BRWD1: variants seen among roughly 807,000 people sequenced by gnomAD.
BRWD1 encodes bromodomain and WD repeat-containing protein 1.
Under a neutral mutation model 251.2 loss-of-function variants are expected in BRWD1, and 82 were observed. That is an observed-to-expected ratio of 0.33 (90% CI 0.27 to 0.39). The LOEUF is 0.39. BRWD1 is among the 10% of genes least tolerant of loss of function. The pLI is 1.00. For missense variants in BRWD1, 2,233 were observed against 2,711.6 expected (o/e 0.82, Z 3.92); for synonymous variants, 918 against 902.8 (o/e 1.02, Z -0.30).
rs2031610779 is a variant in BRWD1 at position 39,192,630 on chromosome 21, T to C, written c.*3629A>G. ...CTGCAAGATACCTGATAAATAAATATATCAACTTACTATTCATGAAAAGAA... is the reference window on the plus strand; with the variant it reads ...CTGCAAGATACCTGATAAATAAATACATCAACTTACTATTCATGAAAAGAA... On this transcript the variant is annotated 3_prime_UTR_variant, in exon 41 of 41. Coordinates refer to ENST00000342449, the MANE Select transcript of BRWD1 (RefSeq NM_033656.4). 5 of 984,486 alleles carry C rather than the reference T, an allele frequency of 5.1e-6. No individual in the cohort carries two copies. Among genetic ancestry groups the C allele is most frequent in the Non-Finnish European group, 6.0e-6 (5 of 829,146 alleles). The allele number at this position is 984,486 out of a possible 1,614,324, so 61.0% of individuals were successfully genotyped here.
intron 15 of BRWD1, among the ~76,000 whole-genome samples, chr21:39,266,155 T>C (rs1423870670): frequency 6.6e-6 from 1 of 152,086 alleles, no homozygotes; most frequent in Non-Finnish European, 1.5e-5. Context: ...GCTTGAATAG[T>C]GATACTTCAC....
chr21:39,272,169 T>G (rs957962484), intron 13 of BRWD1, among the ~76,000 whole-genome samples: 1 of 151,460 alleles, frequency 6.6e-6, no homozygotes, highest in Non-Finnish European at 1.5e-5. Flanking sequence ...GCGCGGTGGC[T>G]CACGCCTGTA....
At position 39,236,764 on chromosome 21, in the gene BRWD1, G is replaced by A; in HGVS notation, c.2597C>T (p.Ser866Phe). ...GATGCCCGCATCAGCTGTCCAATCGGAATATCTAGATGAAGAGTCACTAGA... is the reference window on the plus strand; with the variant it reads ...GATGCCCGCATCAGCTGTCCAATCGAAATATCTAGATGAAGAGTCACTAGA... ...ESSSDSSSRY[S>F]DWTADAGINL... The change falls in exon 23 of 41, where the codon TCC becomes TTC. Residue 866 changes from serine (S) to phenylalanine (F), a missense_variant. Physicochemically the swap from Ser to Phe is radical, Grantham distance 155. This residue lies in a region of BRWD1 where 214 missense variants were observed against 222.0 expected (regional missense o/e 0.96). Coordinates refer to ENST00000342449, the MANE Select transcript of BRWD1 (RefSeq NM_033656.4). The A allele has an allele frequency of 6.2e-7, 1 of 1,613,690 alleles. No individual in the cohort carries two copies. The highest frequency in any genetic ancestry group is 1.1e-5 in the South Asian group (1 of 90,914).
At chr21:39,228,438 G>C (rs1031806905) in intron 27 of BRWD1, 62 bp downstream of exon 27, 2 of 1,152,036 alleles carry the variant, frequency 1.7e-6, no homozygotes, top group African/African-American at 3.1e-5. Flanking sequence ...CAGCCAAAAA[G>C]GTAGACCAAT....
chr21:39,189,844 C>T lies in BRWD1; in HGVS notation c.*6415G>A. On this transcript the variant is annotated 3_prime_UTR_variant, in exon 41 of 41. Coordinates refer to ENST00000342449, the MANE Select transcript of BRWD1 (RefSeq NM_033656.4). ...GTGTTAGGGTACAAGCTTAAGAACT[C>T]TGGATGTTGCTGCTCTAACAATGCA... 1 of 985,348 alleles carries T rather than the reference C, an allele frequency of 1.0e-6. No individual in the cohort carries two copies. The highest frequency in any genetic ancestry group is 1.2e-6 in the Non-Finnish European group (1 of 829,888). The allele number at this position is 985,348 out of a possible 1,614,324, so 61.0% of individuals were successfully genotyped here. A position where few individuals can be genotyped will look rare whatever the true frequency, so the allele number is the denominator to read the frequency against.
rs2031369783 is a variant in BRWD1 at position 39,188,468 on chromosome 21, C to G, written c.*7791G>C. 1.0e-6 allele frequency: 1 copy of G among 985,380 alleles called. No homozygotes were observed. Among genetic ancestry groups the G allele is most frequent in the Non-Finnish European group, 1.2e-6 (1 of 829,874 alleles). 61.0% of individuals were successfully genotyped at this position (985,380 alleles called of 1,614,324 possible). A position where few individuals can be genotyped will look rare whatever the true frequency, so the allele number is the denominator to read the frequency against. On this transcript the variant is annotated 3_prime_UTR_variant, in exon 41 of 41. Coordinates refer to ENST00000342449, the MANE Select transcript of BRWD1 (RefSeq NM_033656.4). ...ACTAGAAAATGAGAGCTCTTTTAGT[C>G]AGATACTATCAAGTAACACTATTAT...
At chr21:39,248,209 A>G (rs2034264139) in intron 20 of BRWD1, among the ~76,000 whole-genome samples, 1 of 152,216 alleles carries the variant, frequency 6.6e-6, no homozygotes, top group African/African-American at 2.4e-5. Context: ...ATTTCTCACT[A>G]TCTCTATACA....
chr21:39,254,459 T>C (rs1282758880), intron 19 of BRWD1, among the ~76,000 whole-genome samples: 1 of 152,160 alleles, frequency 6.6e-6, no homozygotes, highest in African/African-American at 2.4e-5. Flanking sequence ...AAAGAGATGA[T>C]TTAAACATCA....
intron 4 of BRWD1, among the ~76,000 whole-genome samples, chr21:39,308,349 G>A (rs1227769619): frequency 6.6e-6 from 1 of 152,016 alleles, no homozygotes; most frequent in Non-Finnish European, 1.5e-5. Context: ...AGGCATAGTG[G>A]TACATGTCTG....
rs962487793 is a variant in BRWD1, at chr21:39,230,913, A to C, written c.3000+1264T>G. Among the ~76,000 whole-genome samples the C allele has an allele frequency of 3.3e-5, 5 of 152,196 alleles. No individual in the cohort carries two copies. The East Asian group carries it at 9.6e-4, about 29-fold the overall frequency. On this transcript the variant is annotated intron_variant, in intron 25 of 40. Transcript: ENST00000342449. ...CCCTGAGCATGTCCAGAAATGACCA[A>C]AAGGCTCTGAGAGTACTGTTTGGGG...
At position 39,264,976 on chromosome 21, in the gene BRWD1, G is replaced by A; in HGVS notation, c.1574C>T (p.Ser525Leu). 1 of 1,613,940 alleles carries A rather than the reference G, an allele frequency of 6.2e-7. No individual in the cohort carries two copies. Among genetic ancestry groups the A allele is most frequent in the Non-Finnish European group, 8.5e-7 (1 of 1,179,910 alleles). The change falls in exon 16 of 41, where the codon TCA becomes TTA. Residue 525 changes from serine to leucine, a missense_variant. Physicochemically the swap from Ser to Leu is moderately radical, Grantham distance 145 (BLOSUM62 -2). Transcript: ENST00000342449. ...GHGAVFDCKF[S>L]QDGQHFACTD... Reference sequence around the variant, plus strand: ...ACAGGCAAAATGCTGTCCATCCTGTGAAAACTTACAGTCAAACACAGCTCC... The same window carrying A: ...ACAGGCAAAATGCTGTCCATCCTGTAAAAACTTACAGTCAAACACAGCTCC...
chr21:39,207,942 T>G (rs1488550522), intron 36 of BRWD1, among the ~76,000 whole-genome samples: 1 of 152,164 alleles, frequency 6.6e-6, no homozygotes, highest in Non-Finnish European at 1.5e-5. Flanking sequence ...TATATGAAAT[T>G]ATCTAGGACA....
chr21:39,291,412 C>G (rs1372040135), intron 8 of BRWD1, among the ~76,000 whole-genome samples: 1 of 152,114 alleles, frequency 6.6e-6, no homozygotes. Context: ...TCAGTCTAAC[C>G]AAACGTTAAG....
At chr21:39,237,948 A>G (rs2146570662) in intron 22 of BRWD1, among the ~76,000 whole-genome samples, 1 of 152,326 alleles carries the variant, frequency 6.6e-6, no homozygotes, top group Admixed American at 6.5e-5. Flanking sequence ...TGAACCAAAC[A>G]GTACCAATTA....
At chr21:39,310,580 C>A (rs1396948584) in intron 4 of BRWD1, among the ~76,000 whole-genome samples, 4 of 151,338 alleles carry the variant, frequency 2.6e-5, no homozygotes, top group African/African-American at 9.7e-5. Context: ...TGAGCCGAGG[C>A]TGCTCCTCAA....
chr21:39,303,867 C>T (rs1338157842), intron 4 of BRWD1, among the ~76,000 whole-genome samples: 1 of 151,162 alleles, frequency 6.6e-6, no homozygotes, highest in Non-Finnish European at 1.5e-5. Context: ...AGTTGCCAGG[C>T]GCAGTGGCTC....
In BRWD1 at chr21:39,185,977, C is replaced by G. The variant is rs1402947535; in HGVS notation, c.*10282G>C. ...ATTGTAAATACACTTCTTTGTTATA[C>G]CACGACCAAATTTTCTAATCCTAGT... On this transcript the variant is annotated 3_prime_UTR_variant, in exon 41 of 41. Coordinates refer to ENST00000342449, the MANE Select transcript of BRWD1 (RefSeq NM_033656.4). 1 of 152,092 alleles carries G rather than the reference C, an allele frequency of 6.6e-6. No homozygotes were observed. Among genetic ancestry groups the G allele is most frequent in the Non-Finnish European group, 1.5e-5 (1 of 67,978 alleles). The allele number at this position is 152,092 out of a possible 1,614,324, so 9.4% of individuals were successfully genotyped here. A position where few individuals can be genotyped will look rare whatever the true frequency, so the allele number is the denominator to read the frequency against.
At chr21:39,220,812 G>A (rs559583193) in intron 29 of BRWD1, among the ~76,000 whole-genome samples, 3 of 152,176 alleles carry the variant, frequency 2.0e-5, no homozygotes, top group East Asian at 3.9e-4. Context: ...ACATTGGCTG[G>A]TGATACATAA....
intron 31 of BRWD1, chr21:39,217,074 TATATA>T (rs2032969860): frequency 1.1e-3 from 12 of 10,766 alleles, no homozygotes; most frequent in South Asian, 3.4e-3. Flanking sequence ...TATATATATA[TATATA>T]TATATTTTTT....
Sources: gnomAD v4.1 joint callset for allele counts (sites outside exome capture counted in the v4.1 genomes callset) on GRCh38, gnomAD v4.1.1 for gene constraint, gnomAD v4.1.1 regional missense constraint, MANE v1.5 for transcripts, NCBI Gene and HGNC (gene_info 2026-07-23, HGNC 2026-07-21) for gene names.